The following UBR1 variants were observed in gnomAD, a reference collection of about 807,000 sequenced individuals.
UBR1 encodes ubiquitin protein ligase E3 component n-recognin 1.
UBR1 carries 102 observed loss-of-function variants against 242.1 expected under a neutral mutation model. That is an observed-to-expected ratio of 0.42 (90% confidence interval 0.36 to 0.50). UBR1 has a LOEUF of 0.50. Among genes scored for constraint, UBR1 ranks in the 20% least tolerant of loss-of-function variants. The pLI is 0.01. For missense variants in UBR1, 1,772 were observed against 2,101.8 expected, an observed-to-expected ratio of 0.84 and a Z score of 3.07; for synonymous variants, 675 against 684.8, an observed-to-expected ratio of 0.99 and a Z score of 0.22.
At chr15:42,982,146 A>G (rs969135069) in intron 37 of UBR1, among the ~76,000 whole-genome samples, 2 of 152,200 alleles carry the variant, frequency 1.3e-5, no homozygotes, top group African/African-American at 4.8e-5. Context: ...AGCTGGGATT[A>G]TAAGTGTGTG....
At chr15:43,012,565 T>G (rs1272267392) in intron 29 of UBR1, among the ~76,000 whole-genome samples, 2 of 152,162 alleles carry the variant, frequency 1.3e-5, no homozygotes, top group African/African-American at 4.8e-5. Context: ...TAAAAATAAA[T>G]AATGAAAGCA....
intron 2 of UBR1, among the ~76,000 whole-genome samples, chr15:43,084,660 G>C (rs559240155): frequency 6.6e-6 from 1 of 152,232 alleles, no homozygotes; most frequent in East Asian, 1.9e-4. Context: ...TTCCCATCTT[G>C]GCCAGGCTGG....
At chr15:42,960,604 A>G (rs770599903) in intron 43 of UBR1, 41 bp downstream of exon 43, 3 of 1,601,744 alleles carry the variant, frequency 1.9e-6, no homozygotes, top group African/African-American at 2.7e-5. Context: ...AGGAAACACA[A>G]CTTGTGGATG....
chr15:42,973,825 T>G (rs2032244256), intron 39 of UBR1, among the ~76,000 whole-genome samples: 1 of 152,002 alleles, frequency 6.6e-6, no homozygotes, highest in Non-Finnish European at 1.5e-5. Context: ...TTTGGTTTTG[T>G]ATCTAAAAAG....
intron 38 of UBR1, 37 bp from the exon 39 acceptor site, chr15:42,976,904 T>C (rs149531184): frequency 8.7e-6 from 14 of 1,602,052 alleles, no homozygotes; most frequent in Non-Finnish European, 2.6e-6. Flanking sequence ...TGGCTAATGA[T>C]AAAAGACTAA....
In UBR1 at chr15:43,040,690, A is replaced by C. The variant is rs568227712; in HGVS notation, c.1850-2458T>G. On this transcript the variant is annotated intron_variant, in intron 15 of 46. Transcript: ENST00000290650. ...GAATGGGAGAAAATTTTTGCAATCT[A>C]CTCATCTGACAAAGGGCTAATATCC... 7.4e-4 allele frequency among the ~76,000 whole-genome samples: 112 copies of C among 152,278 alleles called. 3 individuals are homozygous for C. The South Asian group carries it at 0.023, about 32-fold the overall frequency.
intron 27 of UBR1, among the ~76,000 whole-genome samples, chr15:43,018,241 T>C (rs2033056972): frequency 6.6e-6 from 1 of 152,120 alleles, no homozygotes; most frequent in Non-Finnish European, 1.5e-5. Flanking sequence ...GACCTCATGA[T>C]CCGCCCACCT....
At chr15:43,077,957 A>G (rs981035612) in intron 3 of UBR1, among the ~76,000 whole-genome samples, 1 of 152,200 alleles carries the variant, frequency 6.6e-6, no homozygotes. Flanking sequence ...AGCATTTACT[A>G]GGAGAACAAC....
chr15:42,966,602 C>T (rs1276407960), intron 40 of UBR1, among the ~76,000 whole-genome samples: 3 of 151,202 alleles, frequency 2.0e-5, no homozygotes, highest in African/African-American at 7.3e-5. Context: ...TGCTTGAACC[C>T]AGGAGGTGGA....
chr15:43,085,958 C>T (rs2034030955), intron 2 of UBR1, 26 bp downstream of exon 2: 1 of 1,506,446 alleles, frequency 6.6e-7, no homozygotes, highest in Admixed American at 1.7e-5. Flanking sequence ...TAATTATAAT[C>T]AATCCTGTAA....
intron 1 of UBR1, among the ~76,000 whole-genome samples, chr15:43,100,057 A>G (rs900333389): frequency 1.3e-5 from 2 of 152,008 alleles, no homozygotes; most frequent in Non-Finnish European, 2.9e-5. Flanking sequence ...TTGTATTTTT[A>G]GTTGAGAAGG....
intron 21 of UBR1, 30 bp downstream of exon 21, chr15:43,029,914 A>C: frequency 4.3e-6 from 7 of 1,613,648 alleles, no homozygotes; most frequent in Non-Finnish European, 5.9e-6. Flanking sequence ...ATCTTGAGGT[A>C]CATAGAGATA....
At chr15:43,067,440 T>A (rs189658609) in intron 6 of UBR1, among the ~76,000 whole-genome samples, 149 of 152,360 alleles carry the variant, frequency 9.8e-4, no homozygotes, top group African/African-American at 3.5e-3. Context: ...GAGGTTAATA[T>A]TCCTTTTATA....
intron 35 of UBR1, among the ~76,000 whole-genome samples, chr15:42,986,961 G>A (rs558523476): frequency 2.6e-5 from 4 of 152,354 alleles, no homozygotes; most frequent in African/African-American, 9.6e-5. Context: ...CTGACAGGGA[G>A]CAGCAGGAAG....
At chr15:43,013,092 G>A (rs1348517923) in intron 29 of UBR1, among the ~76,000 whole-genome samples, 26 of 152,172 alleles carry the variant, frequency 1.7e-4, no homozygotes, top group Non-Finnish European at 7.3e-5. Context: ...TTTTAGTAGA[G>A]ACGGGGTTTT....
chr15:43,014,776 C>T (rs1277228767), intron 29 of UBR1, among the ~76,000 whole-genome samples: 3 of 148,858 alleles, frequency 2.0e-5, no homozygotes, highest in Non-Finnish European at 3.0e-5. Flanking sequence ...CCACCCCGTC[C>T]GGGAGGGAGG....
Position 43,056,394 on chromosome 15 carries a change from T to C in UBR1, c.1231A>G (p.Ser411Gly), listed in dbSNP as rs942523230. The part of the protein sequence containing the change: ...KEYISDDHDR[S>G]ISITALSVQM... ...ACTGAAAGTGCAGTTATAGAGATAC[T>C]TCTGTCATGATCATCACTGATATAT... The change falls in exon 11 of 47, where the codon AGT (serine) becomes GGT (glycine). Residue 411 changes from serine to glycine, a missense_variant. By Grantham distance (56) the Ser-to-Gly change is moderately conservative (BLOSUM62 0). Transcript: ENST00000290650. 2 of 1,612,732 alleles carry C rather than the reference T, an allele frequency of 1.2e-6. No homozygotes were observed. The highest frequency in any genetic ancestry group is 2.7e-5 in the African/African-American group (2 of 75,024).
chr15:42,992,410 C>T (rs1294511487), intron 33 of UBR1, among the ~76,000 whole-genome samples: 1 of 152,132 alleles, frequency 6.6e-6, no homozygotes, highest in Admixed American at 6.5e-5. Context: ...GAAACATGAA[C>T]AGTTTTAAAG....
Position 43,036,651 on chromosome 15 carries a change from C to A in UBR1, c.2023-58G>T, listed in dbSNP as rs1039266778. Reference sequence around the variant, plus strand: ...GAATTATTTTATTTCAAGCAAAATTCTCAAGAAAACCTATCCTTAAAACTT... The same window carrying A: ...GAATTATTTTATTTCAAGCAAAATTATCAAGAAAACCTATCCTTAAAACTT... On this transcript the variant is annotated intron_variant, in intron 17 of 46. Coordinates refer to ENST00000290650, the MANE Select transcript of UBR1 (RefSeq NM_174916.3). The A allele has an allele frequency of 1.6e-4, 200 of 1,221,992 alleles. 2 individuals carry two copies. Among genetic ancestry groups the A allele is most frequent in the Non-Finnish European group, 2.3e-5 (19 of 836,624 alleles). The allele number at this position is 1,221,992 out of a possible 1,614,324, so 75.7% of individuals were successfully genotyped here.
Sources: gnomAD v4.1 joint callset for allele counts (sites outside exome capture counted in the v4.1 genomes callset) on GRCh38, gnomAD v4.1.1 for gene constraint, MANE v1.5 for transcripts, NCBI Gene and HGNC (gene_info 2026-07-23, HGNC 2026-07-21) for gene names.